Variants in ORM2 observed in about 807,000 individuals in gnomAD.
ORM2 encodes orosomucoid 2, also known as alpha-1-acid glycoprotein 2.
In ORM2, 19 loss-of-function variants were observed where a neutral mutation model predicts 26.8. The observed-to-expected ratio is 0.71, with a 90% CI of 0.49 to 1.04. ORM2 has a LOEUF of 1.04. ORM2 is among the 50% of genes least tolerant of loss of function. ORM2 has a pLI of 0.00. For missense variants in ORM2, 259 were observed against 244.9 expected, an observed-to-expected ratio of 1.06 and a Z score of -0.39; for synonymous variants, 94 against 100.0, an observed-to-expected ratio of 0.94 and a Z score of 0.36.
chr9:114,331,216 T>C (rs1829845546), intron 3 of ORM2, among the ~76,000 whole-genome samples: 1 of 152,102 alleles, frequency 6.6e-6, no homozygotes, highest in Non-Finnish European at 1.5e-5. Context: ...TACCTTCAAC[T>C]ATGTCCCCCA....
rs749340440 is a variant in ORM2, at chr9:114,331,946, G to A, written c.540+17G>A. On this transcript the variant is annotated intron_variant, in intron 5 of 5. Coordinates refer to ENST00000431067, the MANE Select transcript of ORM2 (RefSeq NM_000608.4). Reference sequence around the variant, plus strand: ...TGGAAAAAGGTAAACGCAAGGGATTGGACAGTGCCCACCTTGTCCATGGCC... The same window carrying A: ...TGGAAAAAGGTAAACGCAAGGGATTAGACAGTGCCCACCTTGTCCATGGCC... 6.2e-7 allele frequency: 1 copy of A among 1,609,686 alleles called. No individual in the cohort carries two copies.
chr9:114,331,936 G>A lies in ORM2; in HGVS notation c.540+7G>A, dbSNP rs569411411. 8 of 1,612,410 alleles carry A rather than the reference G, an allele frequency of 5.0e-6. No individual in the cohort carries two copies. Among genetic ancestry groups the A allele is most frequent in the Middle Eastern group, 1.6e-4 (1 of 6,078 alleles). The stretch of plus-strand genomic sequence containing the variant: ...GTACACCGACTGGAAAAAGGTAAAC[G>A]CAAGGGATTGGACAGTGCCCACCTT... On this transcript the variant is annotated splice_region_variant and intron_variant, in intron 5 of 5. Transcript: ENST00000431067.
At chr9:114,332,576 T>C (rs891855429) in intron 5 of ORM2, among the ~76,000 whole-genome samples, 11 of 152,216 alleles carry the variant, frequency 7.2e-5, no homozygotes, top group African/African-American at 2.4e-4. Context: ...ATTTGCCACC[T>C]GAGATGACCA....
chr9:114,330,465 C>T lies in ORM2; in HGVS notation c.146C>T (p.Ala49Val), dbSNP rs1445000610. 1.2e-6 allele frequency: 2 copies of T among 1,607,460 alleles called. No homozygotes were observed. Among genetic ancestry groups the T allele is most frequent in the Non-Finnish European group, 1.7e-6 (2 of 1,177,926 alleles). ...GGCAAGTGGTTTTATATCGCATCGG[C>T]CTTTCGAAACGAGGAGTACAATAAG... ...ITGKWFYIAS[A>V]FRNEEYNKSV... Residue 49 changes from alanine (A) to valine (V), a missense_variant, in exon 2 of 6, where the codon GCC (alanine) becomes GTC (valine). Coordinates refer to ENST00000431067, the MANE Select transcript of ORM2 (RefSeq NM_000608.4).
At chr9:114,331,015 TAAG>T (rs915386596) in intron 3 of ORM2, among the ~76,000 whole-genome samples, 153 bp downstream of exon 3, 2 of 152,014 alleles carry the variant, frequency 1.3e-5, no homozygotes, top group Non-Finnish European at 2.9e-5. Context: ...AAAAAATCCC[TAAG>T]AAGACACTGA....
At chr9:114,330,921 G>A in intron 3 of ORM2, 59 bp downstream of exon 3, 1 of 1,429,212 alleles carries the variant, frequency 7.0e-7, no homozygotes, top group Admixed American at 1.7e-5. Flanking sequence ...GCCAGCATAA[G>A]GTGGGGGCTG....
rs780438913 is a variant in ORM2, at chr9:114,329,991, G to A, written c.87G>A (p.Val29=). 7.6e-6 allele frequency: 12 copies of A among 1,581,388 alleles called. No individual in the cohort carries two copies. The highest frequency in any genetic ancestry group is 1.7e-4 in the Middle Eastern group (1 of 5,830). Residue 29 remains valine (V), a synonymous_variant, in exon 1 of 6, where the codon GTG becomes GTA. Coordinates refer to ENST00000431067, the MANE Select transcript of ORM2 (RefSeq NM_000608.4). ...CATTGTGTGCCAACCTAGTACCGGT[G>A]CCCATCACCAACGCCACCCTGGACC... ...QIPLCANLVP[V]PITNATLDRI...
At position 114,329,996 on chromosome 9, in the gene ORM2, T is replaced by C; in HGVS notation, c.92T>C (p.Ile31Thr). Residue 31 changes from isoleucine (I) to threonine (T), a missense_variant, in exon 1 of 6, where the codon ATC (isoleucine) becomes ACC (threonine). Ile to Thr is a moderately conservative substitution (Grantham distance 89). Transcript: ENST00000431067. ...PLCANLVPVP[I>T]TNATLDRITG... ...TGTGCCAACCTAGTACCGGTGCCCA[T>C]CACCAACGCCACCCTGGACCGGGTG... 6.3e-7 allele frequency: 1 copy of C among 1,583,036 alleles called. No homozygotes were observed. Among genetic ancestry groups the C allele is most frequent in the South Asian group, 1.1e-5 (1 of 89,210 alleles).
Position 114,330,993 on chromosome 9 carries a change from C to G in ORM2, c.328+131C>G, listed in dbSNP as rs536533540. The G allele has an allele frequency of 1.5e-4, 105 of 698,334 alleles. 1 individual carries two copies. The highest frequency in any genetic ancestry group is 1.4e-3 in the South Asian group (78 of 55,906). 43.3% of individuals were successfully genotyped at this position (698,334 alleles called of 1,614,324 possible). A position where few individuals can be genotyped will look rare whatever the true frequency, so the allele number is the denominator to read the frequency against. The stretch of plus-strand genomic sequence containing the variant: ...AACCACTAACATTTTTGAGCTCTTA[C>G]CACGTGCTCAGAAAAAATCCCTAAG... On this transcript the variant is annotated intron_variant, in intron 3 of 5. Coordinates refer to ENST00000431067, the MANE Select transcript of ORM2 (RefSeq NM_000608.4).
chr9:114,330,861 C>T lies in ORM2; in HGVS notation c.327C>T (p.Tyr109=), dbSNP rs148334624. 73 of 1,613,218 alleles carry T rather than the reference C, an allele frequency of 4.5e-5. No individual in the cohort carries two copies. The Admixed American group carries it at 1.0e-3, about 22-fold the overall frequency. The change falls in exon 3 of 6, where the codon TAC becomes TAT. Residue 109 remains tyrosine, a splice_region_variant and synonymous_variant. Transcript: ENST00000431067. ...GGGAGAATGGGACCGTCTCCAGATA[C>T]GGTGAGGGCCAGCCCTCAGGCAGGA... The part of the protein sequence containing the change: ...VQRENGTVSR[Y]EGGREHVAHL...
At chr9:114,332,995 T>A (rs1369246462) in intron 5 of ORM2, 74 bp from the exon 6 acceptor site, 2 of 1,598,670 alleles carry the variant, frequency 1.3e-6, no homozygotes, top group Non-Finnish European at 1.7e-6. Flanking sequence ...CATTCTGCCC[T>A]CTCCCCGGAA....
Position 114,331,833 on chromosome 9 carries a change from G to T in ORM2, c.444G>T (p.Lys148Asn). 6.2e-7 allele frequency: 1 copy of T among 1,613,698 alleles called. No individual in the cohort carries two copies. Among genetic ancestry groups the T allele is most frequent in the South Asian group, 1.1e-5 (1 of 91,074 alleles). Residue 148 changes from lysine to asparagine, a missense_variant, in exon 5 of 6, where the codon AAG (lysine) becomes AAT (asparagine). Lys to Asn is a moderately conservative substitution (Grantham distance 94). This residue lies in a region of ORM2 where 251 missense variants were observed against 220.5 expected (regional missense o/e 1.14). Coordinates refer to ENST00000431067, the MANE Select transcript of ORM2 (RefSeq NM_000608.4). The part of the protein sequence containing the change: ...KNWGLSFYAD[K>N]PETTKEQLGE... ...TCCTTGCTCCCCCTGCAGCTGACAAGCCAGAGACGACCAAGGAGCAACTGG... is the reference window on the plus strand; with the variant it reads ...TCCTTGCTCCCCCTGCAGCTGACAATCCAGAGACGACCAAGGAGCAACTGG...
In ORM2 at chr9:114,330,540, C is replaced by T; in HGVS notation, c.221C>T (p.Thr74Ile). The T allele has an allele frequency of 6.2e-7, 1 of 1,612,678 alleles. No individual in the cohort carries two copies. Among genetic ancestry groups the T allele is most frequent in the Non-Finnish European group, 8.5e-7 (1 of 1,179,936 alleles). The change falls in exon 2 of 6, where the codon ACA becomes ATA. Residue 74 changes from threonine (T) to isoleucine (I), a missense_variant. Transcript: ENST00000431067. Reference sequence around the variant, plus strand: ...TTCTTTTACTTTACCCCCAACAAGACAGAGGACACGATCTTTCTCAGAGAG... The same window carrying T: ...TTCTTTTACTTTACCCCCAACAAGATAGAGGACACGATCTTTCTCAGAGAG... ...ATFFYFTPNKTEDTIFLREYQ... is the reference protein window; with the variant it reads ...ATFFYFTPNKIEDTIFLREYQ...
chr9:114,331,929 G>T lies in ORM2; in HGVS notation c.540G>T (p.Lys180Asn). Reference protein sequence around the residue: ...RSDVMYTDWKKDKCEPLEKQH... With the variant: ...RSDVMYTDWKNDKCEPLEKQH... Reference sequence around the variant, plus strand: ...ATGTCATGTACACCGACTGGAAAAAGGTAAACGCAAGGGATTGGACAGTGC... The same window carrying T: ...ATGTCATGTACACCGACTGGAAAAATGTAAACGCAAGGGATTGGACAGTGC... Residue 180 changes from lysine (K) to asparagine (N), a missense_variant and splice_region_variant, in exon 5 of 6, where the codon AAG becomes AAT. By Grantham distance (94) the Lys-to-Asn change is moderately conservative. Coordinates refer to ENST00000431067, the MANE Select transcript of ORM2 (RefSeq NM_000608.4). 6.2e-7 allele frequency: 1 copy of T among 1,613,422 alleles called. No homozygotes were observed. The highest frequency in any genetic ancestry group is 8.5e-7 in the Non-Finnish European group (1 of 1,179,712).
At chr9:114,332,213 C>T (rs1177849928) in intron 5 of ORM2, among the ~76,000 whole-genome samples, 6 of 151,848 alleles carry the variant, frequency 4.0e-5, no homozygotes, top group South Asian at 4.1e-4. Context: ...TTGGAGGGGA[C>T]GTAATGCGGG....
rs758749941 is a variant in ORM2, at chr9:114,329,989, G to A, written c.85G>A (p.Val29Met). The A allele has an allele frequency of 1.9e-6, 3 of 1,580,264 alleles. No individual in the cohort carries two copies. Among genetic ancestry groups the A allele is most frequent in the Non-Finnish European group, 2.6e-6 (3 of 1,165,774 alleles). ...CCCATTGTGTGCCAACCTAGTACCG[G>A]TGCCCATCACCAACGCCACCCTGGA... The part of the protein sequence containing the change: ...QIPLCANLVP[V>M]PITNATLDRI... The change falls in exon 1 of 6, where the codon GTG becomes ATG. Residue 29 changes from valine (V) to methionine (M), a missense_variant. This residue lies in a region of ORM2 where 251 missense variants were observed against 220.5 expected (regional missense o/e 1.14). Coordinates refer to ENST00000431067, the MANE Select transcript of ORM2 (RefSeq NM_000608.4).
At chr9:114,331,998 A>G (rs1461825803) in intron 5 of ORM2, 69 bp downstream of exon 5, 15 of 1,419,186 alleles carry the variant, frequency 1.1e-5, no homozygotes, top group South Asian at 3.5e-5. Context: ...AGAGGCCCAG[A>G]GCAGGAAAGC....
At chr9:114,331,394 C>T (rs1829848828) in intron 3 of ORM2, among the ~76,000 whole-genome samples, 173 bp from the exon 4 acceptor site, 1 of 152,080 alleles carries the variant, frequency 6.6e-6, no homozygotes, top group Non-Finnish European at 1.5e-5. Context: ...ACAGAAAGTG[C>T]TTGGCGTGGA....
At chr9:114,330,388 A>T (rs1248733751) in intron 1 of ORM2, 46 bp from the exon 2 acceptor site, 1 of 1,562,174 alleles carries the variant, frequency 6.4e-7, no homozygotes, top group Non-Finnish European at 8.7e-7. Context: ...TGACAGTCAA[A>T]GATTCAGCAT....
Sources: gnomAD v4.1 joint callset for allele counts (sites outside exome capture counted in the v4.1 genomes callset) on GRCh38, gnomAD v4.1.1 for gene constraint, gnomAD v4.1.1 regional missense constraint, MANE v1.5 for transcripts, NCBI Gene and HGNC (gene_info 2026-07-23, HGNC 2026-07-21) for gene names.